Variants in OSMR observed in about 807,000 individuals in gnomAD.
OSMR encodes oncostatin-M-specific receptor subunit beta.
In OSMR, 81 loss-of-function variants were observed where a neutral mutation model predicts 99.9. That is an observed-to-expected ratio of 0.81 (90% CI 0.68 to 0.97). OSMR has a LOEUF of 0.97. OSMR is among the 50% of genes least tolerant of loss of function. OSMR has a pLI of 0.00. For synonymous variants in OSMR, 406 were observed against 410.4 expected, an observed-to-expected ratio of 0.99 and a Z score of 0.13; for missense variants, 1,099 against 1,153.4, an observed-to-expected ratio of 0.95 and a Z score of 0.68.
chr5:38,892,381 G>GC (rs2112457363), intron 7 of OSMR, among the ~76,000 whole-genome samples: 1 of 152,176 alleles, frequency 6.6e-6, no homozygotes, highest in African/African-American at 2.4e-5. Context: ...TGGCCAGCCT[G>GC]CCCCACCCCA....
chr5:38,904,069 G>T lies in OSMR; in HGVS notation c.1134+45G>T, dbSNP rs763834609. ...TTCTATTTTCAAAAATTCTTTTTTT[G>T]TCCTGAACAGAGACACTGATGAATA... is the stretch of plus-strand genomic sequence containing the variant. On this transcript the variant is annotated intron_variant, in intron 8 of 17. Coordinates refer to ENST00000274276, the MANE Select transcript of OSMR (RefSeq NM_003999.3). 5.0e-6 allele frequency: 8 copies of T among 1,606,734 alleles called. No individual in the cohort carries two copies. In the African/African-American group the frequency reaches 1.1e-4, roughly 22 times the overall value.
At chr5:38,891,726 C>T (rs1015021651) in intron 7 of OSMR, among the ~76,000 whole-genome samples, 1 of 152,244 alleles carries the variant, frequency 6.6e-6, no homozygotes, top group Non-Finnish European at 1.5e-5. Flanking sequence ...TGGAGCTCCA[C>T]AGGCCTTGGA....
At chr5:38,904,077 C>CA in intron 8 of OSMR, 53 bp downstream of exon 8, 1 of 1,604,450 alleles carries the variant, frequency 6.2e-7, no homozygotes, top group Non-Finnish European at 8.5e-7. Context: ...TTGTCCTGAA[C>CA]AGAGACACTG....
chr5:38,914,899 G>A (rs974867526), intron 9 of OSMR, among the ~76,000 whole-genome samples: 3 of 152,182 alleles, frequency 2.0e-5, no homozygotes, highest in Non-Finnish European at 4.4e-5. Flanking sequence ...CACTGTTTGG[G>A]TGATGGGATC....
At chr5:38,912,064 G>A (rs942313861) in intron 9 of OSMR, among the ~76,000 whole-genome samples, 3 of 151,658 alleles carry the variant, frequency 2.0e-5, no homozygotes, top group Non-Finnish European at 4.4e-5. Flanking sequence ...CCTAGCCAGA[G>A]CAATCAGACA....
At chr5:38,917,764 AC>A in intron 10 of OSMR, 142 bp downstream of exon 10, 1 of 682,034 alleles carries the variant, frequency 1.5e-6, no homozygotes, top group Non-Finnish European at 2.6e-6. Flanking sequence ...AGAATTTCTT[AC>A]CTAGTAGAGG....
chr5:38,877,134 A>G (rs1304685077), intron 3 of OSMR, among the ~76,000 whole-genome samples: 1 of 152,156 alleles, frequency 6.6e-6, no homozygotes, highest in Non-Finnish European at 1.5e-5. Flanking sequence ...TTCACGGGAT[A>G]TTTAAGGACA....
chr5:38,856,320 A>C (rs1740836237), intron 1 of OSMR, among the ~76,000 whole-genome samples: 1 of 152,186 alleles, frequency 6.6e-6, no homozygotes, highest in Non-Finnish European at 1.5e-5. Context: ...CCTGTTCTGC[A>C]CGTTTTGATA....
At chr5:38,929,496 T>C (rs1164517946) in intron 15 of OSMR, among the ~76,000 whole-genome samples, 2 of 152,226 alleles carry the variant, frequency 1.3e-5, no homozygotes, top group Non-Finnish European at 2.9e-5. Flanking sequence ...AAGTAGATTA[T>C]GTTCCAAAAG....
At chr5:38,902,581 G>C (rs1744965225) in intron 7 of OSMR, among the ~76,000 whole-genome samples, 1 of 152,212 alleles carries the variant, frequency 6.6e-6, no homozygotes, top group Admixed American at 6.5e-5. Flanking sequence ...CTTAACAAGA[G>C]TATTAGGCCA....
chr5:38,884,162 G>T, intron 5 of OSMR, 51 bp downstream of exon 5: 2 of 1,280,524 alleles, frequency 1.6e-6, no homozygotes, highest in South Asian at 2.4e-5. Flanking sequence ...CTGAGGAATA[G>T]ATTAAATCTC....
At chr5:38,932,815 A>G in intron 17 of OSMR, 57 bp from the exon 18 acceptor site, 3 of 1,609,320 alleles carry the variant, frequency 1.9e-6, no homozygotes, top group Admixed American at 3.4e-5. Context: ...ATATACTTTG[A>G]TGCATGCATG....
chr5:38,849,782 A>AT (rs1452264514), intron 1 of OSMR, among the ~76,000 whole-genome samples: 1 of 152,232 alleles, frequency 6.6e-6, no homozygotes, highest in East Asian at 1.9e-4. Context: ...TACACATCAG[A>AT]TTAACTGGGT....
chr5:38,925,097 G>A, intron 14 of OSMR, 107 bp from the exon 15 acceptor site: 1 of 1,549,652 alleles, frequency 6.5e-7, no homozygotes, highest in Non-Finnish European at 8.7e-7. Flanking sequence ...TGTTGGTGGT[G>A]CTGAGTTAAC....
At position 38,914,923 on chromosome 5, in the gene OSMR, A is replaced by T. The variant is rs376160696; in HGVS notation, c.1286-2623A>T. ...GGTGATGGGATCATTCATATTCCAAACCTCAGCATTGCACAATATACCCAT... is the reference window on the plus strand; with the variant it reads ...GGTGATGGGATCATTCATATTCCAATCCTCAGCATTGCACAATATACCCAT... On this transcript the variant is annotated intron_variant, in intron 9 of 17. Coordinates refer to ENST00000274276, the MANE Select transcript of OSMR (RefSeq NM_003999.3). Among the ~76,000 whole-genome samples the T allele has an allele frequency of 5.9e-5, 9 of 152,280 alleles. 1 individual carries two copies. Among genetic ancestry groups the T allele is most frequent in the Admixed American group, 2.0e-4 (3 of 15,298 alleles).
chr5:38,943,162 T>A lies in OSMR; in HGVS notation c.75-1039T>A, dbSNP rs1450360902. 1.9e-5 allele frequency: 8 copies of A among 421,942 alleles called. No homozygotes were observed. The East Asian group carries it at 2.7e-4, about 14-fold the overall frequency. The allele number at this position is 421,942 out of a possible 1,614,324, so 26.1% of individuals were successfully genotyped here. ...ACTTAGACATTCTGAGTTTGGGTTTTTTTTTAAAAAAAATGATTATCAAAA... is the reference window on the plus strand; with the variant it reads ...ACTTAGACATTCTGAGTTTGGGTTTATTTTTAAAAAAAATGATTATCAAAA... On this transcript the variant is annotated intron_variant and NMD_transcript_variant, in intron 1 of 2. Coordinates refer to the OSMR transcript ENST00000508882.
At chr5:38,852,654 T>C (rs1740479356) in intron 1 of OSMR, among the ~76,000 whole-genome samples, 1 of 151,490 alleles carries the variant, frequency 6.6e-6, no homozygotes, top group Non-Finnish European at 1.5e-5. Context: ...TTTTTACTTA[T>C]TTCTAAGAAC....
chr5:38,867,899 AGCTCTCTT>A (rs1258916994), intron 1 of OSMR, among the ~76,000 whole-genome samples: 1,849 of 131,480 alleles, frequency 0.014, 30 homozygotes, highest in South Asian at 0.039. Context: ...ATTTAAATTT[AGCTCTCTT>A]GAGACTATTG....
intron 1 of OSMR, among the ~76,000 whole-genome samples, chr5:38,863,945 C>T (rs1246985916): frequency 3.3e-5 from 5 of 152,116 alleles, no homozygotes; most frequent in Non-Finnish European, 7.4e-5. Context: ...TGGTTCTTAA[C>T]ATCTGTTTTA....
Sources: gnomAD v4.1 joint callset for allele counts (sites outside exome capture counted in the v4.1 genomes callset) on GRCh38, gnomAD v4.1.1 for gene constraint, MANE v1.5 for transcripts, NCBI Gene and HGNC (gene_info 2026-07-23, HGNC 2026-07-21) for gene names.